LUZP1: variants seen among roughly 807,000 people sequenced by gnomAD.
LUZP1 encodes filamin mechanobinding actin cross-linking protein.
LUZP1 carries 25 observed loss-of-function variants against 71.3 expected under a neutral mutation model. The observed-to-expected ratio is 0.35, with a 90% CI of 0.26 to 0.49. The LOEUF (loss-of-function observed/expected upper bound fraction) is 0.49, where lower values mean the gene tolerates loss of function less well. LUZP1 is among the 20% of genes least tolerant of loss of function. The pLI is 0.99. For synonymous variants in LUZP1, 481 were observed against 506.4 expected, an observed-to-expected ratio of 0.95 and a Z score of 0.67; for missense variants, 1,142 against 1,300.8, an observed-to-expected ratio of 0.88 and a Z score of 1.88.
At chr1:23,117,470 T>C (rs1644089922) in intron 2 of LUZP1, among the ~76,000 whole-genome samples, 3 of 34,484 alleles carry the variant, frequency 8.7e-5, no homozygotes, top group Admixed American at 7.1e-4. Context: ...TCTCTCTCTC[T>C]CTCTCTCCCC....
Position 23,094,610 on chromosome 1 carries a change from A to G in LUZP1, c.-119-230T>C, listed in dbSNP as rs1000710806. On this transcript the variant is annotated intron_variant, in intron 3 of 4. Coordinates refer to ENST00000302291, the Ensembl canonical transcript of LUZP1. The surrounding 1 kb of genome is among the most constrained non-coding windows in gnomAD (Gnocchi z 4.7). Reference sequence around the variant, plus strand: ...AATAAAGAATGTCACCAGTGGCAGCATGGCAAAAAGACATATAAGAAGCCT... The same window carrying G: ...AATAAAGAATGTCACCAGTGGCAGCGTGGCAAAAAGACATATAAGAAGCCT... 1.3e-5 allele frequency among the ~76,000 whole-genome samples: 2 copies of G among 152,240 alleles called. No individual in the cohort carries two copies. Among genetic ancestry groups the G allele is most frequent in the African/African-American group, 4.8e-5 (2 of 41,472 alleles).
At chr1:23,173,350 C>CTTTTTTTTTTT (rs869169060) in intron 1 of LUZP1, among the ~76,000 whole-genome samples, 7 of 80,354 alleles carry the variant, frequency 8.7e-5, no homozygotes, top group East Asian at 4.0e-4. Context: ...TTTGTTTTTT[C>CTTTTTTTTTTT]TTTTTTTTTT....
At chr1:23,117,507 TG>T (rs1215139251) in intron 2 of LUZP1, among the ~76,000 whole-genome samples, 2,517 of 23,072 alleles carry the variant, frequency 0.11, 149 homozygotes, top group East Asian at 0.13. Flanking sequence ...CAGGAAGCCC[TG>T]GGGGGGGGGG....
chr1:23,175,568 G>A (rs1644577420), intron 1 of LUZP1, among the ~76,000 whole-genome samples: 1 of 152,116 alleles, frequency 6.6e-6, no homozygotes, highest in African/African-American at 2.4e-5. Context: ...CTCGACGACA[G>A]GAATGATGCT....
chr1:23,174,584 AC>A (rs1485743807), intron 1 of LUZP1, among the ~76,000 whole-genome samples: 8 of 152,298 alleles, frequency 5.3e-5, no homozygotes, highest in Admixed American at 5.2e-4. Flanking sequence ...CCTTGTGTCT[AC>A]CATGTCTAAA....
At chr1:23,112,846 G>A (rs951950707) in intron 2 of LUZP1, among the ~76,000 whole-genome samples, 1 of 152,168 alleles carries the variant, frequency 6.6e-6, no homozygotes, top group African/African-American at 2.4e-5. Flanking sequence ...GAGAGTCTCA[G>A]GTTCTGTGTG....
At chr1:23,169,880 G>A (rs1323982523) in intron 1 of LUZP1, among the ~76,000 whole-genome samples, 1 of 152,088 alleles carries the variant, frequency 6.6e-6, no homozygotes, top group East Asian at 1.9e-4. Flanking sequence ...CAGCAGCATG[G>A]TTGGTCTCTT....
chr1:23,095,613 G>A (rs1643888171), intron 3 of LUZP1, among the ~76,000 whole-genome samples: 1 of 152,156 alleles, frequency 6.6e-6, no homozygotes. Context: ...AGTTGAAAAT[G>A]AGACTCCAGT....
At chr1:23,177,808 C>A (rs745959546) in exon 1 of LUZP1, 1 of 152,186 alleles carries the variant, frequency 6.6e-6, no homozygotes, top group East Asian at 1.9e-4. Context: ...GGCGCGCTCT[C>A]GGCCTTTCCC....
chr1:23,116,798 G>C (rs537045728), intron 2 of LUZP1, among the ~76,000 whole-genome samples: 1 of 152,082 alleles, frequency 6.6e-6, no homozygotes, highest in African/African-American at 2.4e-5. Flanking sequence ...CAAAGGTTTC[G>C]AATCTTTTTA....
At position 23,091,162 on chromosome 1, in the gene LUZP1, G is replaced by A. The variant is rs1440462113; in HGVS notation, c.3072+28C>T. 14 of 1,565,038 alleles carry A rather than the reference G, an allele frequency of 8.9e-6. No individual in the cohort carries two copies. In the East Asian group the frequency reaches 2.0e-4, roughly 23 times the overall value. ...AAAGAAGGAAAAGGGAGGGAGAAAA[G>A]AGAGAGGGGAGAGAGGCTGGAACTC... On this transcript the variant is annotated intron_variant, in intron 4 of 4. Coordinates refer to ENST00000302291, the Ensembl canonical transcript of LUZP1.
intron 2 of LUZP1, among the ~76,000 whole-genome samples, chr1:23,146,863 C>T (rs575732032): frequency 1.3e-4 from 19 of 151,730 alleles, no homozygotes; most frequent in Admixed American, 8.5e-4. Flanking sequence ...TTTGGGAGGC[C>T]GAGGCAGGCG....
rs1321132320 is a variant in LUZP1, at chr1:23,154,531, C to T, written c.-226+14235G>A. ...TCCAGCCTAGGGAACAGAGTAAGACCCTGTCTTCTTTTTCTTTTCTTTTTT... is the reference window on the plus strand; with the variant it reads ...TCCAGCCTAGGGAACAGAGTAAGACTCTGTCTTCTTTTTCTTTTCTTTTTT... On this transcript the variant is annotated intron_variant, in intron 2 of 4. Transcript: ENST00000302291. 7.3e-5 allele frequency among the ~76,000 whole-genome samples: 11 copies of T among 150,736 alleles called. No individual in the cohort carries two copies. The Admixed American group carries it at 7.4e-4, about 10-fold the overall frequency.
At chr1:23,163,099 G>C (rs1644481789) in intron 2 of LUZP1, among the ~76,000 whole-genome samples, 1 of 151,684 alleles carries the variant, frequency 6.6e-6, no homozygotes, top group African/African-American at 2.4e-5. Context: ...AATTAGCTGG[G>C]TGTAGTGGCA....
At chr1:23,092,407 A>G (rs762571867) in exon 4 of LUZP1, 5 of 1,614,128 alleles carry the variant, frequency 3.1e-6, no homozygotes, top group Non-Finnish European at 4.2e-6. Flanking sequence ...GAGGTTGAAA[A>G]TCCCTGAAGG....
chr1:23,132,698 T>TATA, intron 2 of LUZP1, among the ~76,000 whole-genome samples: 1 of 152,252 alleles, frequency 6.6e-6, no homozygotes, highest in African/African-American at 2.4e-5. Context: ...TTTGTTGTGA[T>TATA]ATATATAGAG....
chr1:23,093,816 T>C lies in LUZP1; in HGVS notation c.446A>G (p.Lys149Arg). 1 of 1,614,074 alleles carries C rather than the reference T, an allele frequency of 6.2e-7. No homozygotes were observed. The highest frequency in any genetic ancestry group is 8.5e-7 in the Non-Finnish European group (1 of 1,180,012). The change falls in exon 4 of 5, where the codon AAG becomes AGG. Residue 149 changes from lysine to arginine, a missense_variant. Coordinates refer to ENST00000302291, the Ensembl canonical transcript of LUZP1. The surrounding 1 kb of genome is among the most constrained non-coding windows in gnomAD (Gnocchi z 4.2). ...CATTTCCAGCTCAGAGGAGATTTTCTTGGTCAGATTTCTCTCCTCATTCAG... is the reference window on the plus strand; with the variant it reads ...CATTTCCAGCTCAGAGGAGATTTTCCTGGTCAGATTTCTCTCCTCATTCAG...
At chr1:23,136,761 C>CA (rs1644257609) in intron 2 of LUZP1, among the ~76,000 whole-genome samples, 1 of 151,946 alleles carries the variant, frequency 6.6e-6, no homozygotes, top group African/African-American at 2.4e-5. Flanking sequence ...ACTAAAAATA[C>CA]AAAAAAGTAG....
chr1:23,156,455 C>T (rs964555034), intron 2 of LUZP1, among the ~76,000 whole-genome samples: 3 of 152,116 alleles, frequency 2.0e-5, no homozygotes, highest in East Asian at 1.9e-4. Context: ...TACTTCAGTT[C>T]GAATCTGTTC....
Sources: gnomAD v4.1 joint callset for allele counts (sites outside exome capture counted in the v4.1 genomes callset) on GRCh38, gnomAD v4.1.1 for gene constraint, Gnocchi (gnomAD v3.1) non-coding constraint, MANE v1.5 for transcripts, NCBI Gene and HGNC (gene_info 2026-07-23, HGNC 2026-07-21) for gene names.